PAPOLA: variants seen among roughly 807,000 people sequenced by gnomAD.
The protein encoded by PAPOLA is poly(A) polymerase alpha, also known as polynucleotide adenylyltransferase alpha.
PAPOLA carries 15 observed loss-of-function variants against 100.6 expected under a neutral mutation model. The ratio of observed to expected loss-of-function variants is 0.15; its 90% CI spans 0.10 to 0.23. The LOEUF (loss-of-function observed/expected upper bound fraction) is 0.23, where lower values mean the gene tolerates loss of function less well. PAPOLA is among the 10% of genes least tolerant of loss of function. The pLI is 1.00. For missense variants in PAPOLA, 533 were observed against 884.2 expected, an observed-to-expected ratio of 0.60 and a Z score of 5.04; for synonymous variants, 293 against 300.0, an observed-to-expected ratio of 0.98 and a Z score of 0.24.
At position 96,562,602 on chromosome 14, in the gene PAPOLA, T is replaced by C. The variant is rs569859976; in HGVS notation, c.2068-217T>C. Reference sequence around the variant, plus strand: ...ATGAGCTAGTTTGACCCATGCCTTATAAGATTTAAGTAGGCAAATAGAAAT... The same window carrying C: ...ATGAGCTAGTTTGACCCATGCCTTACAAGATTTAAGTAGGCAAATAGAAAT... On this transcript the variant is annotated intron_variant, in intron 20 of 21. Transcript: ENST00000216277. The C allele has an allele frequency of 2.6e-4, 96 of 362,758 alleles. 1 individual carries two copies. The highest frequency in any genetic ancestry group is 4.2e-4 in the Non-Finnish European group (81 of 195,146). 22.5% of individuals were successfully genotyped at this position (362,758 alleles called of 1,614,324 possible).
intron 1 of PAPOLA, among the ~76,000 whole-genome samples, chr14:96,517,017 A>G (rs534963292): frequency 2.0e-5 from 3 of 152,302 alleles, no homozygotes; most frequent in Admixed American, 2.0e-4. Flanking sequence ...TGAACTGGTA[A>G]TGAATTTAAT....
chr14:96,542,081 T>C (rs1209084113), intron 12 of PAPOLA, 162 bp from the exon 13 acceptor site: 6 of 454,692 alleles, frequency 1.3e-5, no homozygotes, highest in African/African-American at 4.0e-5. Flanking sequence ...GTTAGAAACA[T>C]GGAATTTAGC....
At position 96,520,246 on chromosome 14, in the gene PAPOLA, AT is replaced by A; in HGVS notation, c.182+25del. Reference sequence around the variant, plus strand: ...CAGCGCAGGTAAATAGATATTCTATATTTTTTTAACTCGGAAACTTTTATTA... The same window carrying A: ...CAGCGCAGGTAAATAGATATTCTATATTTTTTAACTCGGAAACTTTTATTA... On this transcript the variant is annotated intron_variant, in intron 2 of 21. Transcript: ENST00000216277. 6 of 1,578,756 alleles carry A rather than the reference AT, an allele frequency of 3.8e-6. No individual in the cohort carries two copies. Among genetic ancestry groups the A allele is most frequent in the Non-Finnish European group, 5.2e-6 (6 of 1,162,664 alleles).
intron 6 of PAPOLA, among the ~76,000 whole-genome samples, chr14:96,528,905 G>A (rs1028472263): frequency 6.6e-6 from 1 of 152,098 alleles, no homozygotes; most frequent in African/African-American, 2.4e-5. Flanking sequence ...TTGATTTACT[G>A]TCAGTGTTTT....
chr14:96,516,492 C>T (rs1316082176), intron 1 of PAPOLA, among the ~76,000 whole-genome samples: 1 of 151,930 alleles, frequency 6.6e-6, no homozygotes. Context: ...GCATGTGCCA[C>T]CAAGCCCAGC....
chr14:96,561,121 G>C (rs79632792), intron 20 of PAPOLA, among the ~76,000 whole-genome samples: 172 of 152,290 alleles, frequency 1.1e-3, no homozygotes, highest in African/African-American at 4.0e-3. Flanking sequence ...CTGAGATCAT[G>C]ATCTGTCTCT....
At chr14:96,509,087 A>T (rs1896926462) in intron 1 of PAPOLA, among the ~76,000 whole-genome samples, 1 of 152,188 alleles carries the variant, frequency 6.6e-6, no homozygotes, top group African/African-American at 2.4e-5. Flanking sequence ...GCTGGAATGC[A>T]GTGGTGTGAT....
rs749158891 is a variant in PAPOLA, at chr14:96,552,537, A to G, written c.1579A>G (p.Met527Val). Reference sequence around the variant, plus strand: ...CAATGACAGCAGCCTCGACTTGTCTATGGACAGTGATAACAGCATGTCTGT... The same window carrying G: ...CAATGACAGCAGCCTCGACTTGTCTGTGGACAGTGATAACAGCATGTCTGT... ...ALNDSSLDLSMDSDNSMSVPS... is the reference protein window; with the variant it reads ...ALNDSSLDLSVDSDNSMSVPS... The change falls in exon 17 of 22, where the codon ATG becomes GTG. Residue 527 changes from methionine to valine, a missense_variant. Met to Val is a conservative substitution (Grantham distance 21). Transcript: ENST00000216277. 8.7e-6 allele frequency: 14 copies of G among 1,613,746 alleles called. No individual in the cohort carries two copies. The highest frequency in any genetic ancestry group is 1.6e-4 in the Middle Eastern group (1 of 6,082).
chr14:96,556,059 G>C lies in PAPOLA; in HGVS notation c.1765+112G>C, dbSNP rs1205565112. ...TTGAAATTCAGTTTTTTAAATGCCA[G>C]TTTATTTTTTGCATGTAAAGTTATT... is the stretch of plus-strand genomic sequence containing the variant. On this transcript the variant is annotated intron_variant, in intron 18 of 21. Transcript: ENST00000216277. 4.2e-6 allele frequency: 5 copies of C among 1,180,908 alleles called. No homozygotes were observed. The African/African-American group carries it at 6.1e-5, about 14-fold the overall frequency. The allele number at this position is 1,180,908 out of a possible 1,614,324, so 73.2% of individuals were successfully genotyped here. A position where few individuals can be genotyped will look rare whatever the true frequency, so the allele number is the denominator to read the frequency against.
rs936570990 is a variant in PAPOLA at position 96,531,489 on chromosome 14, T to C, written c.510T>C (p.Phe170=). 3.1e-6 allele frequency: 5 copies of C among 1,605,444 alleles called. No individual in the cohort carries two copies. Among genetic ancestry groups the C allele is most frequent in the Non-Finnish European group, 4.3e-6 (5 of 1,175,704 alleles). ...CFDGIEIDIL[F]ARLALQTIPE... is the part of the protein sequence containing the mutation. ...TTGTGTTTCAGATTGATATTTTGTT[T>C]GCAAGATTAGCACTGCAGACAATTC... The change falls in exon 7 of 22, where the codon TTT becomes TTC. Residue 170 remains phenylalanine (F), a synonymous_variant. Transcript: ENST00000216277.
chr14:96,537,716 A>G (rs1899654666), intron 12 of PAPOLA: 1 of 152,048 alleles, frequency 6.6e-6, no homozygotes, highest in African/African-American at 2.4e-5. Context: ...TTTAAAAAAC[A>G]GACAAACCAC....
rs373741522 is a variant in PAPOLA at position 96,533,110 on chromosome 14, GAATA to G, written c.836+465_836+468del. ...CGAATTTTCATAAGAAGCTTTTAAA[GAATA>G]AATTAACATTAAGTGCTTCGGGACA... On this transcript the variant is annotated intron_variant, in intron 9 of 21. Transcript: ENST00000216277. 65 of 980,906 alleles carry G rather than the reference GAATA, an allele frequency of 6.6e-5. No individual in the cohort carries two copies. In the African/African-American group the frequency reaches 9.8e-4, roughly 15 times the overall value. 60.8% of individuals were successfully genotyped at this position (980,906 alleles called of 1,614,324 possible). A position where few individuals can be genotyped will look rare whatever the true frequency, so the allele number is the denominator to read the frequency against.
chr14:96,562,664 T>C (rs912378489), intron 20 of PAPOLA, 155 bp from the exon 21 acceptor site: 9 of 512,644 alleles, frequency 1.8e-5, no homozygotes. Flanking sequence ...ACCTACAACA[T>C]CTACTGACTA....
chr14:96,533,662 C>A (rs913505929), intron 9 of PAPOLA: 1 of 251,144 alleles, frequency 4.0e-6, no homozygotes, highest in African/African-American at 6.1e-5. Context: ...TCATGCTATT[C>A]TCCTGCCTTA....
intron 12 of PAPOLA, chr14:96,537,772 C>G (rs1261173416): frequency 6.6e-6 from 1 of 151,720 alleles, no homozygotes; most frequent in Admixed American, 6.6e-5. Context: ...TGCCAAAGTC[C>G]CACTTAAAAT....
chr14:96,551,934 A>G (rs984621358), intron 16 of PAPOLA, among the ~76,000 whole-genome samples: 2 of 151,736 alleles, frequency 1.3e-5, no homozygotes, highest in Non-Finnish European at 2.9e-5. Context: ...CAATTAGAGC[A>G]CTGAAGTCTC....
Position 96,559,126 on chromosome 14 carries a change from G to C in PAPOLA, c.2005-1523G>C, listed in dbSNP as rs74836409. ...ATTTTAAGAAGATAAGGGGTATTAG[G>C]TTATTCCATGGGCTAATCTCATTTC... On this transcript the variant is annotated intron_variant, in intron 19 of 21. Coordinates refer to ENST00000216277, the MANE Select transcript of PAPOLA (RefSeq NM_032632.5). Among the ~76,000 whole-genome samples, 331 of 151,864 alleles carry C rather than the reference G, an allele frequency of 2.2e-3. 5 individuals are homozygous for C. The East Asian group carries it at 0.042, about 19-fold the overall frequency.
intron 16 of PAPOLA, among the ~76,000 whole-genome samples, chr14:96,551,484 A>G (rs1900844157): frequency 6.6e-6 from 1 of 152,198 alleles, no homozygotes. Flanking sequence ...ATTTTCATTC[A>G]TGTACATAAG....
At chr14:96,551,141 A>T (rs762806115) in intron 16 of PAPOLA, among the ~76,000 whole-genome samples, 9 of 152,232 alleles carry the variant, frequency 5.9e-5, no homozygotes, top group Non-Finnish European at 8.8e-5. Flanking sequence ...TGATCTGGAT[A>T]TAGAAGCAAA....
Sources: gnomAD v4.1 joint callset for allele counts (sites outside exome capture counted in the v4.1 genomes callset) on GRCh38, gnomAD v4.1.1 for gene constraint, MANE v1.5 for transcripts, NCBI Gene and HGNC (gene_info 2026-07-23, HGNC 2026-07-21) for gene names.